MAF: variants seen among roughly 807,000 people sequenced by gnomAD.
The protein encoded by MAF is MAF bZIP transcription factor.
A neutral mutation model predicts 22.0 loss-of-function variants in MAF; 10 were observed. The observed-to-expected ratio is 0.45, with a 90% CI of 0.28 to 0.77. MAF has a LOEUF of 0.77. Among genes scored for constraint, MAF ranks in the 30% least tolerant of loss-of-function variants. MAF has a pLI of 0.12. For missense variants in MAF, 544 were observed against 548.4 expected (o/e 0.99, Z 0.08); for synonymous variants, 337 against 255.8 (o/e 1.32, Z -3.03).
the MAF span, among the ~76,000 whole-genome samples, chr16:79,424,871 A>G: frequency 4.9e-4 from 74 of 152,298 alleles, no homozygotes; most frequent in East Asian, 0.014. Flanking sequence ...CCAAGTCCCA[A>G]TATCTACATA....
At chr16:79,557,931 C>T in the MAF span, among the ~76,000 whole-genome samples, 1 of 150,850 alleles carries the variant, frequency 6.6e-6, no homozygotes, top group African/African-American at 2.4e-5. Context: ...AGGGAAGTGA[C>T]ATTTAAGCCA....
the MAF span, among the ~76,000 whole-genome samples, chr16:79,450,908 C>G: frequency 6.6e-6 from 1 of 151,972 alleles, no homozygotes; most frequent in East Asian, 1.9e-4. Context: ...ATGAAAAACT[C>G]TATTTATTAC....
rs1328774944 is a variant in MAF at position 79,599,176 on chromosome 16, C to G, written c.727G>C (p.Gly243Arg). 2.5e-6 allele frequency: 3 copies of G among 1,179,986 alleles called. No homozygotes were observed. Among genetic ancestry groups the G allele is most frequent in the South Asian group, 3.8e-5 (1 of 26,370 alleles). 73.1% of individuals were successfully genotyped at this position (1,179,986 alleles called of 1,614,324 possible). The change falls in exon 1 of 2, where the codon GGG becomes CGG. Residue 243 changes from glycine to arginine, a missense_variant. By Grantham distance (125) the Gly-to-Arg change is moderately radical (BLOSUM62 -2). This residue lies in a region of MAF where 342 missense variants were observed against 315.5 expected (regional missense o/e 1.08). Transcript: ENST00000326043. ...GGGGGGAAGA[G>R]GALHPHHAAG... The stretch of plus-strand genomic sequence containing the variant: ...GCGTGGTGCGGGTGCAGGGCGCCCC[C>G]CGCCCCCGCCGCGCCCCCGCCGCCT...
At chr16:79,468,560 GC>G in the MAF span, among the ~76,000 whole-genome samples, 1 of 152,200 alleles carries the variant, frequency 6.6e-6, no homozygotes, top group African/African-American at 2.4e-5. Flanking sequence ...GTCTGGAGCA[GC>G]CCCAGCATGC....
At chr16:79,499,462 G>A in the MAF span, among the ~76,000 whole-genome samples, 1 of 152,214 alleles carries the variant, frequency 6.6e-6, no homozygotes, top group Non-Finnish European at 1.5e-5. Flanking sequence ...TTCCTGCTAG[G>A]ATCTGAATGT....
the MAF span, among the ~76,000 whole-genome samples, chr16:79,237,231 G>C: frequency 6.6e-6 from 1 of 152,056 alleles, no homozygotes; most frequent in African/African-American, 2.4e-5. Flanking sequence ...CATGCACCAA[G>C]ACAAATATCT....
chr16:79,557,485 G>A, the MAF span, among the ~76,000 whole-genome samples: 2 of 152,064 alleles, frequency 1.3e-5, no homozygotes, highest in African/African-American at 4.8e-5. Context: ...AACTAAGATT[G>A]TTTTGGTTGT....
chr16:79,261,649 C>G, the MAF span, among the ~76,000 whole-genome samples: 1 of 152,200 alleles, frequency 6.6e-6, no homozygotes, highest in African/African-American at 2.4e-5. Flanking sequence ...TGCAGAGGGA[C>G]GGCCTGCCCC....
At chr16:79,235,261 G>A in the MAF span, among the ~76,000 whole-genome samples, 7 of 152,048 alleles carry the variant, frequency 4.6e-5, no homozygotes, top group Admixed American at 3.9e-4. Flanking sequence ...TTTGGCACAC[G>A]GGACTATAAG....
chr16:79,486,089 G>C, the MAF span, among the ~76,000 whole-genome samples: 1 of 152,146 alleles, frequency 6.6e-6, no homozygotes, highest in African/African-American at 2.4e-5. Flanking sequence ...ATTACGGAGT[G>C]TCTCGCATGA....
chr16:79,487,616 A>G, the MAF span, among the ~76,000 whole-genome samples: 3 of 152,206 alleles, frequency 2.0e-5, no homozygotes, highest in East Asian at 3.8e-4. Context: ...AAAGATATGA[A>G]TAATTCTCAT....
the MAF span, among the ~76,000 whole-genome samples, chr16:79,317,773 G>T: frequency 6.6e-6 from 1 of 152,184 alleles, no homozygotes; most frequent in Admixed American, 6.5e-5. Context: ...TCCACCTGAT[G>T]CTAGCCCACT....
the MAF span, among the ~76,000 whole-genome samples, chr16:79,466,280 AG>A: frequency 3.6e-3 from 554 of 152,330 alleles, 2 homozygotes; most frequent in Non-Finnish European, 6.7e-3. Flanking sequence ...GGCAGGCTGC[AG>A]GGTGACATGC....
the MAF span, among the ~76,000 whole-genome samples, chr16:79,521,568 C>T: frequency 6.6e-6 from 1 of 152,304 alleles, no homozygotes; most frequent in Admixed American, 6.5e-5. Flanking sequence ...GAACAAGACC[C>T]TCCTTCTTCT....
the MAF span, among the ~76,000 whole-genome samples, chr16:79,248,368 C>A: frequency 6.6e-6 from 1 of 152,146 alleles, no homozygotes; most frequent in African/African-American, 2.4e-5. Context: ...ACATCCGAAG[C>A]TCTCCCACTT....
At chr16:79,261,849 G>T in the MAF span, among the ~76,000 whole-genome samples, 1 of 152,228 alleles carries the variant, frequency 6.6e-6, no homozygotes. Flanking sequence ...GGCGTTGGGG[G>T]TGGAGGTTAG....
downstream of MAF, among the ~76,000 whole-genome samples, chr16:79,582,773 C>G (rs770214822): frequency 5.3e-5 from 8 of 152,188 alleles, no homozygotes; most frequent in African/African-American, 1.7e-4. Context: ...ACATACTCGT[C>G]GAATTTGGGA....
At chr16:79,466,128 T>C in the MAF span, among the ~76,000 whole-genome samples, 1 of 152,184 alleles carries the variant, frequency 6.6e-6, no homozygotes, top group Non-Finnish European at 1.5e-5. Flanking sequence ...AAGTCCAGCC[T>C]TACTACCTGG....
At chr16:79,211,147 TG>T in the MAF span, among the ~76,000 whole-genome samples, 34 of 152,018 alleles carry the variant, frequency 2.2e-4, no homozygotes, top group African/African-American at 6.5e-4. Context: ...CAGCCCCACT[TG>T]GGTTTTCTAC....
Sources: gnomAD v4.1 joint callset for allele counts (sites outside exome capture counted in the v4.1 genomes callset) on GRCh38, gnomAD v4.1.1 for gene constraint, gnomAD v4.1.1 regional missense constraint, MANE v1.5 for transcripts, NCBI Gene and HGNC (gene_info 2026-07-23, HGNC 2026-07-21) for gene names.